ANK3: variants seen among roughly 807,000 people sequenced by gnomAD.
ANK3 encodes ankyrin-3.
Under a neutral mutation model 370.9 loss-of-function variants are expected in ANK3, and 57 were observed. The ratio of observed to expected loss-of-function variants is 0.15; its 90% CI spans 0.12 to 0.19. The LOEUF (loss-of-function observed/expected upper bound fraction) is 0.19, where lower values mean the gene tolerates loss of function less well. Ranked by LOEUF, ANK3 falls within the 10% of genes least tolerant of loss-of-function variation. The pLI is 1.00. For missense variants in ANK3, 4,439 were observed against 5,302.1 expected (o/e 0.84, Z 5.06); for synonymous variants, 1,929 against 1,946.3 (o/e 0.99, Z 0.23).
At chr10:60,085,099 TC>T (rs1415588632) in intron 31 of ANK3, 57 bp downstream of exon 31, 14 of 1,419,500 alleles carry the variant, frequency 9.9e-6, no homozygotes, top group Non-Finnish European at 1.4e-5. Context: ...ATTTTTACTT[TC>T]CAAAAGGTAA....
At chr10:60,118,827 T>C (rs1183558927) in intron 25 of ANK3, among the ~76,000 whole-genome samples, 1 of 152,222 alleles carries the variant, frequency 6.6e-6, no homozygotes, top group Non-Finnish European at 1.5e-5. Flanking sequence ...CTTAGAAACA[T>C]GCACTGGTGC....
At chr10:60,463,936 A>C (rs1027885233) in intron 2 of ANK3, among the ~76,000 whole-genome samples, 3 of 152,112 alleles carry the variant, frequency 2.0e-5, no homozygotes, top group African/African-American at 7.2e-5. Context: ...CTCTCTGCTG[A>C]GGAGCTAAAA....
chr10:60,317,554 A>G (rs1293362587), intron 1 of ANK3, among the ~76,000 whole-genome samples: 1 of 152,154 alleles, frequency 6.6e-6, no homozygotes, highest in Non-Finnish European at 1.5e-5. Flanking sequence ...TTTTTAAAAA[A>G]TCACTAAATA....
intron 2 of ANK3, among the ~76,000 whole-genome samples, chr10:60,490,329 G>A (rs73257065): frequency 0.13 from 19,819 of 152,176 alleles, 1,509 homozygotes; most frequent in African/African-American, 0.21. Context: ...ATGAGGCCCA[G>A]AACATTTGTT....
chr10:60,711,750 C>T (rs919236579), intron 1 of ANK3, among the ~76,000 whole-genome samples: 2 of 151,874 alleles, frequency 1.3e-5, no homozygotes, highest in African/African-American at 2.4e-5. Context: ...AGAATAGATA[C>T]CAAAAAATCT....
intron 24 of ANK3, among the ~76,000 whole-genome samples, chr10:60,135,008 A>G (rs889758705): frequency 6.6e-6 from 1 of 151,962 alleles, no homozygotes; most frequent in African/African-American, 2.4e-5. Flanking sequence ...AGCTCCTCCA[A>G]CTGTTCTTTC....
At chr10:60,130,943 T>TA (rs991559739) in intron 25 of ANK3, among the ~76,000 whole-genome samples, 1 of 152,212 alleles carries the variant, frequency 6.6e-6, no homozygotes, top group African/African-American at 2.4e-5. Context: ...AAAAACTGTA[T>TA]AAAAAATACC....
In ANK3 at chr10:60,070,494, T is replaced by G. The variant is rs765405132; in HGVS notation, c.10387A>C (p.Lys3463Gln). 1 of 1,614,194 alleles carries G rather than the reference T, an allele frequency of 6.2e-7. No homozygotes were observed. The highest frequency in any genetic ancestry group is 1.1e-5 in the South Asian group (1 of 91,086). The part of the protein sequence containing the change: ...KPADRSFSQS[K>Q]LEVIEEEGKV... ...CCCTCCTCCTCGATAACTTCAAGTT[T>G]ACTTTGGCTAAAAGAGCGGTCAGCT... Residue 3463 changes from lysine to glutamine, a missense_variant, in exon 37 of 44, where the codon AAA (lysine) becomes CAA (glutamine). This residue lies in a region of ANK3 where 1,601 missense variants were observed against 1,731.7 expected (regional missense o/e 0.92). Transcript: ENST00000280772. This position sits in a 1 kb window ranked among gnomAD's most constrained non-coding sequence, Gnocchi z 5.7.
At position 60,433,380 on chromosome 10, in the gene ANK3, T is replaced by C. The variant is rs564842206; in HGVS notation, c.97-153741A>G. 6.6e-5 allele frequency among the ~76,000 whole-genome samples: 10 copies of C among 152,170 alleles called. No individual in the cohort carries two copies. The South Asian group carries it at 8.3e-4, about 13-fold the overall frequency. ...GAGAAACATTTTATTCATGTACCCA[T>C]TGAGTTTGAGACCAGCCTGGCCAAC... On this transcript the variant is annotated intron_variant, in intron 2 of 43. Coordinates refer to the ANK3 transcript ENST00000373827.
intron 10 of ANK3, among the ~76,000 whole-genome samples, chr10:60,206,586 G>C (rs2096766755): frequency 6.6e-6 from 1 of 152,144 alleles, no homozygotes; most frequent in Non-Finnish European, 1.5e-5. Context: ...GGTTTATTCT[G>C]TTCTCTTTGC....
At chr10:60,267,830 C>T (rs928307182) in intron 5 of ANK3, among the ~76,000 whole-genome samples, 4 of 152,202 alleles carry the variant, frequency 2.6e-5, no homozygotes, top group African/African-American at 4.8e-5. Flanking sequence ...AGGTTATTTA[C>T]AGTACTTAAT....
chr10:60,530,556 G>A (rs1017808647), intron 2 of ANK3, among the ~76,000 whole-genome samples: 2 of 152,000 alleles, frequency 1.3e-5, no homozygotes, highest in African/African-American at 2.4e-5. Flanking sequence ...TCAGGCACAC[G>A]GGCAGGATTC....
intron 2 of ANK3, among the ~76,000 whole-genome samples, chr10:60,452,985 C>T (rs984210849): frequency 1.3e-5 from 2 of 152,190 alleles, no homozygotes; most frequent in African/African-American, 2.4e-5. Context: ...ATCTTCTCTG[C>T]TTCACATGGC....
chr10:60,693,244 G>A (rs533386182), intron 1 of ANK3, among the ~76,000 whole-genome samples: 67 of 152,350 alleles, frequency 4.4e-4, no homozygotes, highest in Admixed American at 2.2e-3. Context: ...CACCTGGCTC[G>A]CAGGGTCCTA....
chr10:60,670,588 C>A (rs76574003), intron 1 of ANK3, among the ~76,000 whole-genome samples: 9 of 152,110 alleles, frequency 5.9e-5, no homozygotes, highest in African/African-American at 2.2e-4. Flanking sequence ...CACCAAGAGC[C>A]GGAATATCCC....
intron 1 of ANK3, among the ~76,000 whole-genome samples, chr10:60,698,367 A>G (rs951807092): frequency 8.6e-5 from 13 of 151,722 alleles, no homozygotes; most frequent in Non-Finnish European, 1.8e-4. Flanking sequence ...ATCTAGAACT[A>G]GAAATACCAT....
At chr10:60,723,205 T>TCTCTTGAATCTAATAATG (rs2079889631) in intron 1 of ANK3, among the ~76,000 whole-genome samples, 1 of 152,242 alleles carries the variant, frequency 6.6e-6, no homozygotes, top group Admixed American at 6.5e-5. Context: ...AAGGAAATCA[T>TCTCTTGAATCTAATAATG]CTCTTGAATC....
chr10:60,158,577 T>G (rs1471200465), intron 23 of ANK3, among the ~76,000 whole-genome samples: 3 of 152,120 alleles, frequency 2.0e-5, no homozygotes. Context: ...AATAATTGAT[T>G]ATAAGATGTT....
intron 2 of ANK3, among the ~76,000 whole-genome samples, chr10:60,482,034 C>T (rs2075233241): frequency 6.6e-6 from 1 of 152,174 alleles, no homozygotes; most frequent in African/African-American, 2.4e-5. Flanking sequence ...GAGTTCCTGG[C>T]ACTGCTCTCC....
Sources: allele counts gnomAD v4.1 joint callset (sites outside exome capture counted in the v4.1 genomes callset), GRCh38; gene constraint gnomAD v4.1.1; regional missense constraint gnomAD v4.1.1; non-coding constraint Gnocchi (gnomAD v3.1); transcripts MANE v1.5; gene names NCBI Gene and HGNC (gene_info 2026-07-23, HGNC 2026-07-21).